Variants in KANK1 observed in about 807,000 individuals in gnomAD.
KANK1 encodes the protein KN motif and ankyrin repeat domains 1.
Under a neutral mutation model 106.2 loss-of-function variants are expected in KANK1, and 109 were observed. The observed-to-expected ratio is 1.03, with a 90% CI of 0.88 to 1.20. The LOEUF (loss-of-function observed/expected upper bound fraction) is 1.20. KANK1 is among the 50% of genes most tolerant of loss of function. The pLI is 0.00. For synonymous variants in KANK1, 873 were observed against 652.2 expected, an observed-to-expected ratio of 1.34 and a Z score of -5.16; for missense variants, 2,399 against 1,710.7, an observed-to-expected ratio of 1.40 and a Z score of -7.10.
At position 740,922 on chromosome 9, in the gene KANK1, C is replaced by T. The variant is rs1458233572; in HGVS notation, c.3684C>T (p.Ala1228=). ...TCTTCGGCTGTGGGGATGTGAATGC[C>T]AAAGCTAGTCAGGTTAGTGCGCCTG... ...EELFGCGDVN[A]KASQAGQTAL... Residue 1228 remains alanine, a synonymous_variant, in exon 9 of 12, where the codon GCC becomes GCT. Transcript: ENST00000382297. 2 of 1,614,154 alleles carry T rather than the reference C, an allele frequency of 1.2e-6. No homozygotes were observed. The highest frequency in any genetic ancestry group is 1.7e-6 in the Non-Finnish European group (2 of 1,180,022).
chr9:744,570 T>C lies in KANK1; in HGVS notation c.3977T>C (p.Phe1326Ser). 6.2e-7 allele frequency: 1 copy of C among 1,614,132 alleles called. No homozygotes were observed. Among genetic ancestry groups the C allele is most frequent in the Non-Finnish European group, 8.5e-7 (1 of 1,180,018 alleles). ...IAVLLYAHVN[F>S]AKAQSPGTPR... ...GTTCTTCTGTATGCCCATGTCAACTTTGCAAAAGCCCAGTCTCCGGTCAGT... is the reference window on the plus strand; with the variant it reads ...GTTCTTCTGTATGCCCATGTCAACTCTGCAAAAGCCCAGTCTCCGGTCAGT... Residue 1326 changes from phenylalanine to serine, a missense_variant, in exon 11 of 12, where the codon TTT becomes TCT. Transcript: ENST00000382297.
At chr9:537,363 G>C (rs1338598745) in intron 1 of KANK1, among the ~76,000 whole-genome samples, 1 of 152,142 alleles carries the variant, frequency 6.6e-6, no homozygotes, top group Non-Finnish European at 1.5e-5. Flanking sequence ...TAGCCTGTCA[G>C]GCCCTCACAA....
intron 1 of KANK1, among the ~76,000 whole-genome samples, chr9:566,455 A>G (rs1817833588): frequency 6.6e-6 from 1 of 152,178 alleles, no homozygotes; most frequent in African/African-American, 2.4e-5. Context: ...CAGTGGTTGA[A>G]CTAATTTATA....
upstream of KANK1, among the ~76,000 whole-genome samples, chr9:503,225 G>T (rs1259987639): frequency 6.6e-6 from 1 of 151,944 alleles, no homozygotes. Context: ...TTTCATAGAA[G>T]AGTAGACATT....
chr9:477,335 T>C (rs1050095549), intron 3 of KANK1, among the ~76,000 whole-genome samples: 2 of 151,760 alleles, frequency 1.3e-5, no homozygotes, highest in African/African-American at 4.8e-5. Context: ...TAGCTTTTGA[T>C]TTCCAAATTT....
chr9:656,751 G>T (rs73386861), intron 1 of KANK1, among the ~76,000 whole-genome samples: 269 of 152,232 alleles, frequency 1.8e-3, no homozygotes, highest in African/African-American at 6.2e-3. Context: ...AGCAGAGAAT[G>T]TTCTGAGTCT....
chr9:671,803 C>T (rs1161571847), intron 1 of KANK1, among the ~76,000 whole-genome samples: 1 of 151,798 alleles, frequency 6.6e-6, no homozygotes, highest in Non-Finnish European at 1.5e-5. Flanking sequence ...CAAAAATTAG[C>T]TGGGCATGGT....
At chr9:480,308 T>C (rs2058181329) in intron 3 of KANK1, among the ~76,000 whole-genome samples, 1 of 152,228 alleles carries the variant, frequency 6.6e-6, no homozygotes, top group African/African-American at 2.4e-5. Context: ...ATGTGTAAGA[T>C]TATTCCAGGA....
intron 2 of KANK1, among the ~76,000 whole-genome samples, chr9:705,429 T>A (rs908182077): frequency 6.6e-6 from 1 of 152,060 alleles, no homozygotes; most frequent in Non-Finnish European, 1.5e-5. Context: ...GAGGTTGCAG[T>A]GAGCCAAGAT....
intron 1 of KANK1, among the ~76,000 whole-genome samples, chr9:609,875 A>G (rs1830172450): frequency 6.6e-6 from 1 of 152,164 alleles, no homozygotes; most frequent in South Asian, 2.1e-4. Flanking sequence ...AAAATTTCAA[A>G]TTACGTAGAA....
intron 1 of KANK1, among the ~76,000 whole-genome samples, chr9:582,106 G>A (rs1034304633): frequency 1.3e-5 from 2 of 152,168 alleles, no homozygotes; most frequent in Admixed American, 1.3e-4. Flanking sequence ...CTGCCGCCAG[G>A]TGGTGCAAGA....
chr9:664,119 C>T (rs1001229951), intron 1 of KANK1, among the ~76,000 whole-genome samples: 2 of 152,154 alleles, frequency 1.3e-5, no homozygotes, highest in African/African-American at 4.8e-5. Flanking sequence ...GATCTTTACA[C>T]TTGATTAATG....
chr9:698,590 C>T (rs1821887273), intron 2 of KANK1, among the ~76,000 whole-genome samples: 1 of 152,210 alleles, frequency 6.6e-6, no homozygotes, highest in South Asian at 2.1e-4. Flanking sequence ...GTCAGACCTT[C>T]TCAGTTTCCT....
chr9:667,920 A>G (rs908900943), intron 1 of KANK1, among the ~76,000 whole-genome samples: 2 of 151,860 alleles, frequency 1.3e-5, no homozygotes, highest in Admixed American at 6.6e-5. Context: ...TTAATGAGAC[A>G]GGGTTTTGCC....
intron 1 of KANK1, among the ~76,000 whole-genome samples, chr9:529,164 A>G (rs1372878756): frequency 6.6e-6 from 1 of 151,746 alleles, no homozygotes; most frequent in Non-Finnish European, 1.5e-5. Context: ...TGTACTAGCT[A>G]CCATATTCTC....
At chr9:677,393 C>T (rs1266413405) in intron 2 of KANK1, 3 of 162,740 alleles carry the variant, frequency 1.8e-5, no homozygotes, top group Non-Finnish European at 4.0e-5. Flanking sequence ...TCCCAAGCAG[C>T]TTTTGTTTGA....
intron 2 of KANK1, among the ~76,000 whole-genome samples, chr9:701,464 G>C (rs748129458): frequency 1.3e-5 from 2 of 152,094 alleles, no homozygotes; most frequent in Non-Finnish European, 2.9e-5. Flanking sequence ...TATTCTTCTC[G>C]CTGTCCCCAG....
intron 3 of KANK1, among the ~76,000 whole-genome samples, chr9:728,656 A>G (rs1221283802): frequency 6.6e-6 from 1 of 152,192 alleles, no homozygotes. Context: ...TTTACCATCT[A>G]TATAGAGGTC....
chr9:564,336 A>G (rs2134524431), intron 1 of KANK1, among the ~76,000 whole-genome samples: 1 of 152,226 alleles, frequency 6.6e-6, no homozygotes, highest in Non-Finnish European at 1.5e-5. Flanking sequence ...TGCTGGGATT[A>G]CAGGAGGGAG....
Sources: gnomAD v4.1 joint callset for allele counts (sites outside exome capture counted in the v4.1 genomes callset) on GRCh38, gnomAD v4.1.1 for gene constraint, MANE v1.5 for transcripts, NCBI Gene and HGNC (gene_info 2026-07-23, HGNC 2026-07-21) for gene names.